MAPK13: variants seen among roughly 807,000 people sequenced by gnomAD.
The protein encoded by MAPK13 is mitogen-activated protein kinase 13, also known as MAP kinase 13.
In MAPK13, 39 loss-of-function variants were observed where a neutral mutation model predicts 53.5. That is an observed-to-expected ratio of 0.73 (90% CI 0.56 to 0.95). MAPK13 has a LOEUF of 0.95. MAPK13 is among the 40% of genes least tolerant of loss of function. The pLI, the probability that MAPK13 is intolerant of heterozygous loss-of-function variation, is 0.00. For synonymous variants in MAPK13, 179 were observed against 190.9 expected (o/e 0.94, Z 0.51); for missense variants, 460 against 471.8 (o/e 0.98, Z 0.23).
intron 3 of MAPK13, 119 bp downstream of exon 3, chr6:36,132,798 G>A: frequency 9.6e-7 from 1 of 1,038,580 alleles, no homozygotes; most frequent in African/African-American, 1.6e-5. Flanking sequence ...CTCCTTCCCT[G>A]GCAGTCCTGT....
At chr6:36,136,564 G>C (rs1264400177) in intron 6 of MAPK13, 33 bp downstream of exon 6, 3 of 1,597,176 alleles carry the variant, frequency 1.9e-6, no homozygotes, top group Non-Finnish European at 8.5e-7. Flanking sequence ...CCAGAGGCGG[G>C]ATAGGCCCTC....
chr6:36,133,161 CTGAA>C (rs1766352183), intron 3 of MAPK13, among the ~76,000 whole-genome samples: 1 of 152,228 alleles, frequency 6.6e-6, no homozygotes, highest in African/African-American at 2.4e-5. Flanking sequence ...TGTGCAGTGT[CTGAA>C]TGAGACTGGA....
intron 8 of MAPK13, among the ~76,000 whole-genome samples, chr6:36,137,804 A>G (rs1198200781): frequency 1.3e-5 from 2 of 151,334 alleles, no homozygotes; most frequent in East Asian, 3.9e-4. Flanking sequence ...CTACCAAAAA[A>G]TACAAAAATT....
chr6:36,131,427 G>A (rs1395569837), intron 2 of MAPK13, 27 bp downstream of exon 2: 3 of 1,601,548 alleles, frequency 1.9e-6, no homozygotes, highest in Non-Finnish European at 2.6e-6. Context: ...CCGGGGAGGG[G>A]GTGGGGGCTG....
intron 6 of MAPK13, 36 bp downstream of exon 6, chr6:36,136,567 A>T: frequency 6.3e-7 from 1 of 1,596,052 alleles, no homozygotes; most frequent in South Asian, 1.1e-5. Context: ...GAGGCGGGAT[A>T]GGCCCTCCCC....
intron 3 of MAPK13, among the ~76,000 whole-genome samples, chr6:36,134,070 T>C (rs1448193535): frequency 6.6e-6 from 1 of 152,100 alleles, no homozygotes; most frequent in Non-Finnish European, 1.5e-5. Flanking sequence ...CCGCCCTTTC[T>C]AGAAGTTTGG....
Position 36,138,796 on chromosome 6 carries a change from C to T in MAPK13, c.841+16C>T, listed in dbSNP as rs376816852. 4.8e-5 allele frequency: 77 copies of T among 1,613,952 alleles called. No homozygotes were observed. The highest frequency in any genetic ancestry group is 9.3e-5 in the African/African-American group (7 of 74,938). On this transcript the variant is annotated intron_variant, in intron 10 of 11. Coordinates refer to ENST00000211287, the MANE Select transcript of MAPK13 (RefSeq NM_002754.5). ...AGCCCCCAGGGTGAGTCTCAGAGCC[C>T]GCTCCCCAGGGGCCTCTCAGCGTAT...
At chr6:36,135,918 T>C (rs1766408392) in intron 4 of MAPK13, 57 bp downstream of exon 4, 2 of 1,598,596 alleles carry the variant, frequency 1.3e-6, no homozygotes, top group South Asian at 1.1e-5. Flanking sequence ...GACCTGAGGT[T>C]TGGGGAGGCT....
intron 3 of MAPK13, among the ~76,000 whole-genome samples, 166 bp downstream of exon 3, chr6:36,132,845 T>A (rs1213254487): frequency 6.6e-6 from 1 of 152,198 alleles, no homozygotes; most frequent in African/African-American, 2.4e-5. Context: ...TCTGGAAAGA[T>A]GCTTTTAGCC....
chr6:36,131,090 C>T, intron 1 of MAPK13, 181 bp from the exon 2 acceptor site: 1 of 630,392 alleles, frequency 1.6e-6, no homozygotes, highest in Non-Finnish European at 2.6e-6. Flanking sequence ...TGGCGCTGTG[C>T]CCCTCTCTCA....
chr6:36,138,668 G>A, intron 9 of MAPK13, 34 bp from the exon 10 acceptor site: 3 of 1,595,662 alleles, frequency 1.9e-6, no homozygotes, highest in Non-Finnish European at 2.6e-6. Flanking sequence ...TGAGGCCAGA[G>A]CCCTAAGGGG....
At position 36,135,839 on chromosome 6, in the gene MAPK13, A is replaced by T. The variant is rs780767262; in HGVS notation, c.395A>T (p.Tyr132Phe). 1.2e-6 allele frequency: 2 copies of T among 1,613,926 alleles called. No individual in the cohort carries two copies. The highest frequency in any genetic ancestry group is 1.7e-6 in the Non-Finnish European group (2 of 1,179,816). ...FSEEKIQYLV[Y>F]QMLKGLKYIH... The stretch of plus-strand genomic sequence containing the variant: ...GAGGAGAAGATCCAGTACCTGGTGT[A>T]TCAGATGCTCAAAGGCCTTAAGGTG... The change falls in exon 4 of 12, where the codon TAT becomes TTT. Residue 132 changes from tyrosine to phenylalanine, a missense_variant. Physicochemically the swap from Tyr to Phe is conservative, Grantham distance 22 (BLOSUM62 3). Transcript: ENST00000211287.
chr6:36,136,796 G>A (rs751583487), intron 7 of MAPK13, 26 bp downstream of exon 7: 25 of 1,611,822 alleles, frequency 1.6e-5, no homozygotes, highest in African/African-American at 8.0e-5. Context: ...CTGAGAGGGC[G>A]GTCCTGGGGC....
Position 36,136,536 on chromosome 6 carries a change from G to A in MAPK13, c.495+5G>A. 1 of 1,603,230 alleles carries A rather than the reference G, an allele frequency of 6.2e-7. No homozygotes were observed. Among genetic ancestry groups the A allele is most frequent in the Non-Finnish European group, 8.5e-7 (1 of 1,174,690 alleles). On this transcript the variant is annotated splice_donor_5th_base_variant and intron_variant, in intron 6 of 11. Coordinates refer to ENST00000211287, the MANE Select transcript of MAPK13 (RefSeq NM_002754.5). ...AATGAGGACTGTGAACTGAAGGTGA[G>A]TGGGCTGCAGGCTCAGCCCAGAGGC...
At position 36,130,726 on chromosome 6, in the gene MAPK13, G is replaced by GCGGGGGA; in HGVS notation, c.119+31_119+32insACGGGGG. The GCGGGGGA allele has an allele frequency of 2.6e-6, 3 of 1,163,942 alleles. No individual in the cohort carries two copies. The highest frequency in any genetic ancestry group is 2.4e-6 in the Non-Finnish European group (2 of 824,294). 72.1% of individuals were successfully genotyped at this position (1,163,942 alleles called of 1,614,324 possible). ...GGTGAGACCCCTGGGCCGCTGGGGG[G>GCGGGGGA]CGGGGGGCGGGCGCCAGGCTCTCCC... On this transcript the variant is annotated intron_variant, in intron 1 of 11. Transcript: ENST00000211287. This position sits in a 1 kb window ranked among gnomAD's most constrained non-coding sequence, Gnocchi z 4.5.
intron 2 of MAPK13, 88 bp downstream of exon 2, chr6:36,131,488 T>C: frequency 7.6e-7 from 1 of 1,316,078 alleles, no homozygotes; most frequent in South Asian, 1.3e-5. Flanking sequence ...TATGGAGAGC[T>C]CGGGACAGTC....
rs1390210391 is a variant in MAPK13 at position 36,132,649 on chromosome 6, C to G, written c.278C>G (p.Pro93Arg). ...ATTGGGCTCCTGGATGTCTTCACCCCAGCCTCCTCCCTGCGCAACTTCTAT... is the reference window on the plus strand; with the variant it reads ...ATTGGGCTCCTGGATGTCTTCACCCGAGCCTCCTCCCTGCGCAACTTCTAT... ...NVIGLLDVFTPASSLRNFYDF... is the reference protein window; with the variant it reads ...NVIGLLDVFTRASSLRNFYDF... Residue 93 changes from proline (P) to arginine (R), a missense_variant, in exon 3 of 12, where the codon CCA becomes CGA. Pro to Arg is a moderately radical substitution (Grantham distance 103, BLOSUM62 -2). Coordinates refer to ENST00000211287, the MANE Select transcript of MAPK13 (RefSeq NM_002754.5). 3 of 1,614,216 alleles carry G rather than the reference C, an allele frequency of 1.9e-6. No individual in the cohort carries two copies. The East Asian group carries it at 6.7e-5, about 36-fold the overall frequency.
intron 3 of MAPK13, among the ~76,000 whole-genome samples, chr6:36,132,931 G>C (rs1766348956): frequency 6.6e-6 from 1 of 152,172 alleles, no homozygotes; most frequent in Admixed American, 6.5e-5. Context: ...CAGCTGCTTT[G>C]CTTTTTACCC....
chr6:36,136,094 C>T, intron 5 of MAPK13, 46 bp downstream of exon 5: 1 of 1,609,478 alleles, frequency 6.2e-7, no homozygotes, highest in Non-Finnish European at 8.5e-7. Context: ...CTGTCCCATC[C>T]CTGGGTATGG....
Sources: gnomAD v4.1 joint callset for allele counts (sites outside exome capture counted in the v4.1 genomes callset) on GRCh38, gnomAD v4.1.1 for gene constraint, Gnocchi (gnomAD v3.1) non-coding constraint, MANE v1.5 for transcripts, NCBI Gene and HGNC (gene_info 2026-07-23, HGNC 2026-07-21) for gene names.